Variants in NACA observed in about 807,000 individuals in gnomAD.
NACA encodes nascent polypeptide-associated complex subunit alpha.
Under a neutral mutation model 86.4 loss-of-function variants are expected in NACA, and 42 were observed. The ratio of observed to expected loss-of-function variants is 0.49; its 90% CI spans 0.38 to 0.63. The LOEUF (loss-of-function observed/expected upper bound fraction) is 0.63. Among genes scored for constraint, NACA ranks in the 20% least tolerant of loss-of-function variants. NACA has a pLI of 0.00. For synonymous variants in NACA, 898 were observed against 973.7 expected, an observed-to-expected ratio of 0.92 and a Z score of 1.45; for missense variants, 2,157 against 2,483.6, an observed-to-expected ratio of 0.87 and a Z score of 2.80.
In NACA at chr12:56,717,475, G is replaced by A. The variant is rs1479830370; in HGVS notation, c.4055C>T (p.Thr1352Ile). 3 of 1,376,054 alleles carry A rather than the reference G, an allele frequency of 2.2e-6. No homozygotes were observed. The Admixed American group carries it at 6.8e-5, about 31-fold the overall frequency. The allele number at this position is 1,376,054 out of a possible 1,614,324, so 85.2% of individuals were successfully genotyped here. ...TGGGCCTCCTTTAGAGGAGGGAGTT[G>A]TAGCTGGGAGAGTAGGGGTCCCTTT... ...SPKGTPTLPA[T>I]TPSSKGGPTT... is the part of the protein sequence containing the mutation. Residue 1352 changes from threonine (T) to isoleucine (I), a missense_variant, in exon 3 of 9, where the codon ACA (threonine) becomes ATA (isoleucine). Transcript: ENST00000454682.
Position 56,716,428 on chromosome 12 carries a change from C to A in NACA, c.5102G>T (p.Arg1701Leu). 1 of 1,589,968 alleles carries A rather than the reference C, an allele frequency of 6.3e-7. No individual in the cohort carries two copies. Among genetic ancestry groups the A allele is most frequent in the Non-Finnish European group, 8.6e-7 (1 of 1,165,144 alleles). The change falls in exon 3 of 9, where the codon CGG becomes CTG. Residue 1701 changes from arginine (R) to leucine (L), a missense_variant. Transcript: ENST00000454682. ...ESTPIITAPT[R>L]KGPQTKKSSA... ...ACTCTTTTTGGTCTGTGGACCTTTC[C>A]GAGTGGGAGCTGTGATGATTGGCGT...
At chr12:56,721,615 G>A (rs1312533331) in intron 2 of NACA, among the ~76,000 whole-genome samples, 156 bp from the exon 3 acceptor site, 1 of 152,170 alleles carries the variant, frequency 6.6e-6, no homozygotes, top group Non-Finnish European at 1.5e-5. Context: ...AAGGTGACAG[G>A]CAACAACAAC....
In NACA at chr12:56,719,810, G is replaced by A; in HGVS notation, c.1720C>T (p.Gln574Ter). The part of the protein sequence containing the change: ...QAAPKNSPSF[Q>*]STSSSPEIPL... ...ATCTCTGGAGAAGAGGATGTACTTT[G>A]GAAAGAAGGGGAATTTTTAGGGGCT... The change falls in exon 3 of 9, where the codon CAA becomes TAA. Residue 574 changes from glutamine to a stop codon, truncating the protein, a stop_gained. Coordinates refer to ENST00000454682, the MANE Select transcript of NACA (RefSeq NM_001365896.1). LOFTEE classifies it high-confidence loss of function. 1 of 1,613,816 alleles carries A rather than the reference G, an allele frequency of 6.2e-7. No homozygotes were observed. Among genetic ancestry groups the A allele is most frequent in the Non-Finnish European group, 8.5e-7 (1 of 1,179,854 alleles).
rs1279498322 is a variant in NACA at position 56,719,150 on chromosome 12, G to A, written c.2380C>T (p.Pro794Ser). The change falls in exon 3 of 9, where the codon CCA becomes TCA. Residue 794 changes from proline (P) to serine (S), a missense_variant. Physicochemically the swap from Pro to Ser is moderately conservative, Grantham distance 74 (BLOSUM62 -1). Coordinates refer to ENST00000454682, the MANE Select transcript of NACA (RefSeq NM_001365896.1). ...GACACACTAACCCCTAAAGGAGATG[G>A]GGAATCAGCTAGGTAAGTCAGAGTT... ...KGTLTYLADSPSPLGVSVSPQ... is the reference protein window; with the variant it reads ...KGTLTYLADSSSPLGVSVSPQ... 2 of 1,462,022 alleles carry A rather than the reference G, an allele frequency of 1.4e-6. No individual in the cohort carries two copies. Among genetic ancestry groups the A allele is most frequent in the African/African-American group, 1.4e-5 (1 of 72,106 alleles). The allele number at this position is 1,462,022 out of a possible 1,614,324, so 90.6% of individuals were successfully genotyped here.
intron 2 of NACA, 45 bp from the exon 3 acceptor site, chr12:56,721,504 GA>G (rs36039765): frequency 4.8e-6 from 6 of 1,246,640 alleles, no homozygotes; most frequent in South Asian, 1.6e-5. Context: ...AGGGGGAGGA[GA>G]AAAAAGGTGA....
At chr12:56,723,959 C>G (rs1209777847) in intron 2 of NACA, among the ~76,000 whole-genome samples, 1 of 152,162 alleles carries the variant, frequency 6.6e-6, no homozygotes, top group East Asian at 1.9e-4. Flanking sequence ...ACAAGTTATC[C>G]GACCTAGGAC....
At position 56,724,704 on chromosome 12, in the gene NACA, G is replaced by A. The variant is rs768897154; in HGVS notation, c.-2-181C>T. The A allele has an allele frequency of 3.3e-6, 2 of 613,628 alleles. No individual in the cohort carries two copies. Among genetic ancestry groups the A allele is most frequent in the Admixed American group, 3.1e-5 (1 of 32,632 alleles). The allele number at this position is 613,628 out of a possible 1,614,324, so 38.0% of individuals were successfully genotyped here. A position where few individuals can be genotyped will look rare whatever the true frequency, so the allele number is the denominator to read the frequency against. ...GAGGTAAATATGATGTGACCCTCAC[G>A]CCTCTATCAAGGCCAGCAATTCCCA... On this transcript the variant is annotated intron_variant, in intron 1 of 8. Transcript: ENST00000454682.
chr12:56,720,188 T>C lies in NACA; in HGVS notation c.1342A>G (p.Thr448Ala), dbSNP rs971445473. The C allele has an allele frequency of 6.2e-7, 1 of 1,613,932 alleles. No individual in the cohort carries two copies. Among genetic ancestry groups the C allele is most frequent in the African/African-American group, 1.3e-5 (1 of 75,010 alleles). The change falls in exon 3 of 9, where the codon ACA becomes GCA. Residue 448 changes from threonine to alanine, a missense_variant. Around this residue, in one of 8 missense-constraint regions of NACA, gnomAD observed 947 missense variants for 917.9 expected, o/e 1.03. Coordinates refer to ENST00000454682, the MANE Select transcript of NACA (RefSeq NM_001365896.1). ...TTPLVVTNPC[T>A]IAAAPTTTFE... ...GTAGTAGTAGGTGCTGCAGCAATTG[T>C]ACAGGGGTTAGTCACCACAAGTGGG...
Position 56,717,374 on chromosome 12 carries a change from G to A in NACA, c.4156C>T (p.Pro1386Ser), listed in dbSNP as rs1953404028. ...GCTGGTCCTCTTTTGGGGGAGGGAG[G>A]AGTCATAGCGGGACCTCCTTTGTGG... ...PSHKGGPAMTPPSPKRGPAIP... is the reference protein window; with the variant it reads ...PSHKGGPAMTSPSPKRGPAIP... Residue 1386 changes from proline to serine, a missense_variant, in exon 3 of 9, where the codon CCT becomes TCT. Coordinates refer to ENST00000454682, the MANE Select transcript of NACA (RefSeq NM_001365896.1). 3 of 1,362,010 alleles carry A rather than the reference G, an allele frequency of 2.2e-6. No homozygotes were observed. The highest frequency in any genetic ancestry group is 2.9e-6 in the Non-Finnish European group (3 of 1,033,422). 84.4% of individuals were successfully genotyped at this position (1,362,010 alleles called of 1,614,324 possible). A position where few individuals can be genotyped will look rare whatever the true frequency, so the allele number is the denominator to read the frequency against.
Position 56,715,940 on chromosome 12 carries a change from T to C in NACA, c.5590A>G (p.Thr1864Ala). Residue 1864 changes from threonine to alanine, a missense_variant, in exon 3 of 9, where the codon ACC becomes GCC. By Grantham distance (58) the Thr-to-Ala change is moderately conservative (BLOSUM62 0). This residue lies in a region of NACA where 797 missense variants were observed against 777.6 expected (regional missense o/e 1.02). Transcript: ENST00000454682. ...ACAGGGATTCCAGCAGATTTAGGGG[T>C]GGGCATGTTGACGAGGACCGACTGG... is the stretch of plus-strand genomic sequence containing the variant. ...PFQSVLVNMP[T>A]PKSAGIPVPT... 6.5e-7 allele frequency: 1 copy of C among 1,530,628 alleles called. No individual in the cohort carries two copies. Among genetic ancestry groups the C allele is most frequent in the Non-Finnish European group, 8.8e-7 (1 of 1,138,584 alleles). The allele number at this position is 1,530,628 out of a possible 1,614,324, so 94.8% of individuals were successfully genotyped here.
In NACA at chr12:56,720,272, T is replaced by G. The variant is rs561366479; in HGVS notation, c.1258A>C (p.Asn420His). ...TTSLILKSSP[N>H]ATYHYPLVAQ... ...ACTAAAGGATAATGATAAGTGGCAT[T>G]AGGAGAGCTTTTGAGAATGAGAGAG... Residue 420 changes from asparagine to histidine, a missense_variant, in exon 3 of 9, where the codon AAT becomes CAT. By Grantham distance (68) the Asn-to-His change is moderately conservative (BLOSUM62 1). Transcript: ENST00000454682. The G allele has an allele frequency of 6.2e-7, 1 of 1,613,882 alleles. No individual in the cohort carries two copies. The highest frequency in any genetic ancestry group is 1.1e-5 in the South Asian group (1 of 91,082).
rs571910842 is a variant in NACA, at chr12:56,718,776, G to T, written c.2754C>A (p.Pro918=). Residue 918 remains proline (P), a synonymous_variant, in exon 3 of 9, where the codon CCC becomes CCA. Transcript: ENST00000454682. ...APALSMTSSS[P]KKARATPAPK... is the part of the protein sequence containing the mutation. ...GGGCTGGAGTTGCTCGGGCCTTTTT[G>T]GGGGAGGAAGAAGTCATGGATAGAG... 6.2e-6 allele frequency: 9 copies of T among 1,446,328 alleles called. No homozygotes were observed. Among genetic ancestry groups the T allele is most frequent in the East Asian group, 3.0e-5 (1 of 33,368 alleles). 89.6% of individuals were successfully genotyped at this position (1,446,328 alleles called of 1,614,324 possible). A position where few individuals can be genotyped will look rare whatever the true frequency, so the allele number is the denominator to read the frequency against.
At position 56,719,118 on chromosome 12, in the gene NACA, C is replaced by A; in HGVS notation, c.2412G>T (p.Gln804His). Reference sequence around the variant, plus strand: ...CCTTCTTGGTTGGAGGTCTTTTAGTCTGAGGAGACACACTAACCCCTAAAG... The same window carrying A: ...CCTTCTTGGTTGGAGGTCTTTTAGTATGAGGAGACACACTAACCCCTAAAG... Reference protein sequence around the residue: ...PSPLGVSVSPQTKRPPTKKGS... With the variant: ...PSPLGVSVSPHTKRPPTKKGS... Residue 804 changes from glutamine to histidine, a missense_variant, in exon 3 of 9, where the codon CAG becomes CAT. Physicochemically the swap from Gln to His is conservative, Grantham distance 24. Around this residue, in one of 8 missense-constraint regions of NACA, gnomAD observed 174 missense variants for 217.0 expected, o/e 0.80. Coordinates refer to ENST00000454682, the MANE Select transcript of NACA (RefSeq NM_001365896.1). 1 of 1,454,668 alleles carries A rather than the reference C, an allele frequency of 6.9e-7. No homozygotes were observed. Among genetic ancestry groups the A allele is most frequent in the Non-Finnish European group, 9.3e-7 (1 of 1,076,496 alleles). The allele number at this position is 1,454,668 out of a possible 1,614,324, so 90.1% of individuals were successfully genotyped here. A position where few individuals can be genotyped will look rare whatever the true frequency, so the allele number is the denominator to read the frequency against.
chr12:56,722,343 T>C (rs1178394843), intron 2 of NACA, among the ~76,000 whole-genome samples: 1 of 152,174 alleles, frequency 6.6e-6, no homozygotes, highest in Admixed American at 6.5e-5. Flanking sequence ...GGGACTGTAT[T>C]ATGAAACTGT....
In NACA at chr12:56,717,468, G is replaced by C. The variant is rs1456760592; in HGVS notation, c.4062C>G (p.Pro1354=). ...KGTPTLPATT[P]SSKGGPTTPS... is the part of the protein sequence containing the mutation. ...GAGTAGTTGGGCCTCCTTTAGAGGA[G>C]GGAGTTGTAGCTGGGAGAGTAGGGG... is the stretch of plus-strand genomic sequence containing the variant. Residue 1354 remains proline (P), a synonymous_variant, in exon 3 of 9, where the codon CCC becomes CCG. Transcript: ENST00000454682. The C allele has an allele frequency of 7.2e-7, 1 of 1,379,392 alleles. No homozygotes were observed. The allele number at this position is 1,379,392 out of a possible 1,614,324, so 85.4% of individuals were successfully genotyped here. A position where few individuals can be genotyped will look rare whatever the true frequency, so the allele number is the denominator to read the frequency against.
In NACA at chr12:56,717,184, G is replaced by A. The variant is rs773687537; in HGVS notation, c.4346C>T (p.Thr1449Ile). Residue 1449 changes from threonine (T) to isoleucine (I), a missense_variant, in exon 3 of 9, where the codon ACT becomes ATT. This residue lies in a region of NACA where 797 missense variants were observed against 777.6 expected (regional missense o/e 1.02). Transcript: ENST00000454682. The stretch of plus-strand genomic sequence containing the variant: ...AGCTGGGCCTCCTTTGGGGGCTGAA[G>A]TTGCTGGGGCCTTTTTGAGGGAGAC... ...TPVSLKKAPA[T>I]SAPKGGPATP... 9.3e-6 allele frequency: 12 copies of A among 1,295,736 alleles called. No individual in the cohort carries two copies. The highest frequency in any genetic ancestry group is 1.6e-5 in the South Asian group (1 of 63,438). The allele number at this position is 1,295,736 out of a possible 1,614,324, so 80.3% of individuals were successfully genotyped here.
Position 56,716,779 on chromosome 12 carries a change from G to A in NACA, c.4751C>T (p.Ala1584Val). The A allele has an allele frequency of 7.3e-7, 1 of 1,366,016 alleles. No homozygotes were observed. Among genetic ancestry groups the A allele is most frequent in the South Asian group, 1.4e-5 (1 of 73,406 alleles). The allele number at this position is 1,366,016 out of a possible 1,614,324, so 84.6% of individuals were successfully genotyped here. A position where few individuals can be genotyped will look rare whatever the true frequency, so the allele number is the denominator to read the frequency against. The change falls in exon 3 of 9, where the codon GCA (alanine) becomes GTA (valine). Residue 1584 changes from alanine (A) to valine (V), a missense_variant. Transcript: ENST00000454682. ...PSSKEASSPP[A>V]VTPSTYKGAP... Reference sequence around the variant, plus strand: ...CCCTTTGTAAGTGGAAGGAGTCACTGCTGGGGGACTGGAGGCCTCTTTGGA... The same window carrying A: ...CCCTTTGTAAGTGGAAGGAGTCACTACTGGGGGACTGGAGGCCTCTTTGGA...
At chr12:56,724,800 G>A (rs555996764) in intron 1 of NACA, 2 of 446,912 alleles carry the variant, frequency 4.5e-6, no homozygotes, top group African/African-American at 4.0e-5. Flanking sequence ...ACGCTACTGT[G>A]AACCCCCTCC....
rs1953520801 is a variant in NACA at position 56,719,846 on chromosome 12, A to C, written c.1684T>G (p.Leu562Val). Residue 562 changes from leucine (L) to valine (V), a missense_variant, in exon 3 of 9, where the codon TTA (leucine) becomes GTA (valine). Transcript: ENST00000454682. ...GAATTTTTAGGGGCTGCCTGGACTA[A>C]CGGTAATACAGTAGGGTCTTTCTTG... ...TTKKDPTVLPLVQAAPKNSPS... is the reference protein window; with the variant it reads ...TTKKDPTVLPVVQAAPKNSPS... 6.2e-7 allele frequency: 1 copy of C among 1,613,648 alleles called. No homozygotes were observed.
Sources: allele counts gnomAD v4.1 joint callset (sites outside exome capture counted in the v4.1 genomes callset), GRCh38; gene constraint gnomAD v4.1.1; regional missense constraint gnomAD v4.1.1; transcripts MANE v1.5; gene names NCBI Gene and HGNC (gene_info 2026-07-23, HGNC 2026-07-21).